Variants in CCSER1 observed in about 807,000 individuals in gnomAD.
CCSER1 encodes the protein coiled-coil serine rich protein 1.
In CCSER1, 41 loss-of-function variants were observed where a neutral mutation model predicts 82.0. That is an observed-to-expected ratio of 0.50 (90% CI 0.39 to 0.65). The LOEUF (loss-of-function observed/expected upper bound fraction) is 0.65, where lower values mean the gene tolerates loss of function less well. Among genes scored for constraint, CCSER1 ranks in the 30% least tolerant of loss-of-function variants. The pLI is 0.00. For synonymous variants in CCSER1, 414 were observed against 383.9 expected, an observed-to-expected ratio of 1.08 and a Z score of -0.92; for missense variants, 1,119 against 1,064.2, an observed-to-expected ratio of 1.05 and a Z score of -0.72.
intron 5 of CCSER1, among the ~76,000 whole-genome samples, chr4:90,493,133 C>G (rs1368593568): frequency 6.6e-6 from 1 of 152,068 alleles, no homozygotes; most frequent in Non-Finnish European, 1.5e-5. Context: ...GCTTCAGTAG[C>G]CGATTCCATC....
intron 10 of CCSER1, among the ~76,000 whole-genome samples, chr4:91,338,904 C>A (rs578136142): frequency 1.3e-5 from 2 of 152,122 alleles, no homozygotes; most frequent in Non-Finnish European, 2.9e-5. Context: ...TTTAACACCA[C>A]GTAGCAGTCT....
intron 4 of CCSER1, among the ~76,000 whole-genome samples, chr4:90,455,729 A>C (rs1762077215): frequency 6.6e-6 from 1 of 152,178 alleles, no homozygotes; most frequent in Non-Finnish European, 1.5e-5. Flanking sequence ...ACACCCACCT[A>C]TATGGTGCCT....
intron 7 of CCSER1, among the ~76,000 whole-genome samples, chr4:90,734,061 G>GA: frequency 6.6e-6 from 1 of 151,490 alleles, no homozygotes; most frequent in East Asian, 1.9e-4. Flanking sequence ...ATATTTTTGT[G>GA]AAAAACGTCA....
At chr4:90,689,049 C>T (rs1735329495) in intron 6 of CCSER1, among the ~76,000 whole-genome samples, 1 of 152,142 alleles carries the variant, frequency 6.6e-6, no homozygotes, top group Non-Finnish European at 1.5e-5. Context: ...CAACATCACA[C>T]ATTTACCTAA....
At chr4:90,733,736 TGCATATGGATATCTA>T (rs1158394155) in intron 7 of CCSER1, among the ~76,000 whole-genome samples, 2 of 152,208 alleles carry the variant, frequency 1.3e-5, no homozygotes, top group East Asian at 1.9e-4. Context: ...TTCATTCTTC[TGCATATGGATATCTA>T]GGTTTTCTGG....
intron 10 of CCSER1, among the ~76,000 whole-genome samples, chr4:91,311,612 C>T (rs1156968685): frequency 1.3e-5 from 2 of 151,816 alleles, no homozygotes; most frequent in Non-Finnish European, 2.9e-5. Context: ...TTCTTTCACC[C>T]TTAGTAGCTG....
intron 10 of CCSER1, among the ~76,000 whole-genome samples, chr4:91,596,433 T>C (rs1227778124): frequency 6.6e-6 from 1 of 152,076 alleles, no homozygotes. Flanking sequence ...CCACAATATT[T>C]CATAAGCAGC....
At chr4:90,896,004 A>G (rs766395239) in intron 8 of CCSER1, among the ~76,000 whole-genome samples, 2 of 151,984 alleles carry the variant, frequency 1.3e-5, no homozygotes, top group African/African-American at 2.4e-5. Flanking sequence ...TACTGCAGTG[A>G]TTCCGGAGGA....
At chr4:90,904,500 A>C (rs1267398030) in intron 8 of CCSER1, among the ~76,000 whole-genome samples, 1 of 152,132 alleles carries the variant, frequency 6.6e-6, no homozygotes, top group Non-Finnish European at 1.5e-5. Flanking sequence ...ATTGCCAGAA[A>C]GGTTTCCTAT....
At chr4:91,415,345 T>C (rs1753293720) in intron 10 of CCSER1, among the ~76,000 whole-genome samples, 1 of 152,144 alleles carries the variant, frequency 6.6e-6, no homozygotes, top group Non-Finnish European at 1.5e-5. Context: ...CATGGAATCA[T>C]GACATCTGCA....
chr4:91,573,530 G>A (rs1051141178), intron 10 of CCSER1, among the ~76,000 whole-genome samples: 1 of 152,156 alleles, frequency 6.6e-6, no homozygotes, highest in East Asian at 1.9e-4. Flanking sequence ...AGTGCAGTGG[G>A]TTCACAAGGA....
At chr4:90,164,023 T>A (rs1219848453) in intron 1 of CCSER1, among the ~76,000 whole-genome samples, 1 of 152,146 alleles carries the variant, frequency 6.6e-6, no homozygotes, top group Non-Finnish European at 1.5e-5. Flanking sequence ...AGCTGGGTGT[T>A]TGCTGCTGTC....
At chr4:90,131,554 A>G (rs1019665694) in intron 1 of CCSER1, among the ~76,000 whole-genome samples, 5 of 152,130 alleles carry the variant, frequency 3.3e-5, no homozygotes, top group African/African-American at 7.2e-5. Context: ...TGAATACTCA[A>G]CATTTTATTC....
At chr4:90,534,481 G>GTGTGTT (rs1553935678) in intron 5 of CCSER1, among the ~76,000 whole-genome samples, 2 of 147,058 alleles carry the variant, frequency 1.4e-5, no homozygotes, top group African/African-American at 5.0e-5. Flanking sequence ...GTGTGTGTGT[G>GTGTGTT]TGTGTGTGAT....
At chr4:90,470,081 C>CT (rs1469757160) in intron 5 of CCSER1, among the ~76,000 whole-genome samples, 4 of 152,106 alleles carry the variant, frequency 2.6e-5, no homozygotes, top group African/African-American at 7.2e-5. Context: ...ATAATCTCCT[C>CT]TAAGTACTCC....
intron 10 of CCSER1, among the ~76,000 whole-genome samples, chr4:91,381,118 C>T (rs909927084): frequency 5.3e-5 from 8 of 152,120 alleles, no homozygotes; most frequent in African/African-American, 1.7e-4. Flanking sequence ...TGAGATCCGC[C>T]ATTACTCTGA....
intron 1 of CCSER1, among the ~76,000 whole-genome samples, chr4:90,225,678 G>A (rs6847487): frequency 0.65 from 99,520 of 152,114 alleles, 35,078 homozygotes; most frequent in African/African-American, 0.92. Flanking sequence ...TGTCTCTCCT[G>A]CTTTTGGTAT....
At chr4:90,892,468 G>A (rs1723098539) in intron 8 of CCSER1, among the ~76,000 whole-genome samples, 1 of 151,804 alleles carries the variant, frequency 6.6e-6, no homozygotes, top group Admixed American at 6.6e-5. Flanking sequence ...ATATTTATTA[G>A]GTATATATTA....
At chr4:90,709,758 T>C (rs1242849999) in intron 6 of CCSER1, among the ~76,000 whole-genome samples, 1 of 152,162 alleles carries the variant, frequency 6.6e-6, no homozygotes, top group African/African-American at 2.4e-5. Context: ...CATGCATGTA[T>C]CTTTATAATA....
Sources: allele counts gnomAD v4.1 joint callset (sites outside exome capture counted in the v4.1 genomes callset), GRCh38; gene constraint gnomAD v4.1.1; transcripts MANE v1.5; gene names NCBI Gene and HGNC (gene_info 2026-07-23, HGNC 2026-07-21).